Variants in MSH3 observed in about 807,000 individuals in gnomAD.
MSH3 encodes mutS homolog 3.
In MSH3, 106 loss-of-function variants were observed where a neutral mutation model predicts 123.3. The ratio of observed to expected loss-of-function variants is 0.86; its 90% CI spans 0.73 to 1.01. MSH3 has a LOEUF of 1.01. MSH3 is among the 50% of genes least tolerant of loss of function. MSH3 has a pLI of 0.00. For synonymous variants in MSH3, 515 were observed against 481.4 expected (o/e 1.07, Z -0.91); for missense variants, 1,459 against 1,347.6 (o/e 1.08, Z -1.29).
intron 20 of MSH3, among the ~76,000 whole-genome samples, chr5:80,850,689 A>G (rs970975104): frequency 2.0e-5 from 3 of 152,210 alleles, no homozygotes; most frequent in Non-Finnish European, 4.4e-5. Flanking sequence ...CTCCCACAAC[A>G]TGTGGGAATT....
rs1337532981 is a variant in MSH3, at chr5:80,871,627, T to C, written c.3131-1489T>C. Among the ~76,000 whole-genome samples the C allele has an allele frequency of 3.9e-5, 6 of 152,180 alleles. No individual in the cohort carries two copies. The East Asian group carries it at 9.7e-4, about 25-fold the overall frequency. On this transcript the variant is annotated intron_variant, in intron 22 of 23. Coordinates refer to ENST00000265081, the MANE Select transcript of MSH3 (RefSeq NM_002439.5). ...GGTGGGAGACATCAGTTTCTTTCCA[T>C]GTGAGCATCTCCACAGACAGCCCAC...
Position 80,728,975 on chromosome 5 carries a change from T to C in MSH3, c.1568+10T>C. On this transcript the variant is annotated intron_variant, in intron 10 of 23. Coordinates refer to ENST00000265081, the MANE Select transcript of MSH3 (RefSeq NM_002439.5). ...TGCTCTCCAAACCTGAGTAAGTGAT[T>C]CCTCCAAAATTAAAAAAAGGGGGAG... is the stretch of plus-strand genomic sequence containing the variant. 1 of 1,424,772 alleles carries C rather than the reference T, an allele frequency of 7.0e-7. No homozygotes were observed. The highest frequency in any genetic ancestry group is 9.9e-7 in the Non-Finnish European group (1 of 1,008,460). 88.3% of individuals were successfully genotyped at this position (1,424,772 alleles called of 1,614,324 possible). A position where few individuals can be genotyped will look rare whatever the true frequency, so the allele number is the denominator to read the frequency against.
At chr5:80,710,988 G>A (rs1381799232) in intron 8 of MSH3, among the ~76,000 whole-genome samples, 1 of 152,086 alleles carries the variant, frequency 6.6e-6, no homozygotes. Flanking sequence ...CATCAGGTTT[G>A]CCAAGACAGA....
chr5:80,795,443 T>G lies in MSH3; in HGVS notation c.2655+2599T>G, dbSNP rs150744982. On this transcript the variant is annotated intron_variant, in intron 19 of 23. Coordinates refer to ENST00000265081, the MANE Select transcript of MSH3 (RefSeq NM_002439.5). ...ATTCAGTTTCTGGTGAGGGCCTGTT[T>G]CCTGGTTCCTAGATGACACCTCACA... 2.7e-3 allele frequency among the ~76,000 whole-genome samples: 413 copies of G among 152,250 alleles called. 4 individuals are homozygous for G. The highest frequency in any genetic ancestry group is 9.5e-3 in the African/African-American group (396 of 41,546).
intron 19 of MSH3, among the ~76,000 whole-genome samples, chr5:80,797,786 G>T (rs927141554): frequency 6.6e-6 from 1 of 152,164 alleles, no homozygotes; most frequent in African/African-American, 2.4e-5. Context: ...AAGGAGGCTG[G>T]CCCAGGGACT....
intron 19 of MSH3, among the ~76,000 whole-genome samples, chr5:80,805,750 A>G (rs962887676): frequency 1.3e-5 from 2 of 151,788 alleles, no homozygotes; most frequent in African/African-American, 4.8e-5. Context: ...ATGCGCCACC[A>G]CGAGCTCATT....
At chr5:80,719,397 T>C (rs753994031) in intron 8 of MSH3, among the ~76,000 whole-genome samples, 4 of 152,150 alleles carry the variant, frequency 2.6e-5, no homozygotes, top group Non-Finnish European at 4.4e-5. Flanking sequence ...GGCTATTTAT[T>C]GGATAGGTCA....
intron 19 of MSH3, among the ~76,000 whole-genome samples, chr5:80,812,390 T>TA (rs1178776078): frequency 6.6e-6 from 1 of 152,188 alleles, no homozygotes; most frequent in Non-Finnish European, 1.5e-5. Context: ...TTTTTCATCA[T>TA]ACCTTTTATT....
At chr5:80,806,189 C>T (rs1744887762) in intron 19 of MSH3, among the ~76,000 whole-genome samples, 1 of 152,160 alleles carries the variant, frequency 6.6e-6, no homozygotes, top group South Asian at 2.1e-4. Flanking sequence ...ACCTCCGCCT[C>T]CCAGGTTCAA....
At position 80,800,351 on chromosome 5, in the gene MSH3, C is replaced by G. The variant is rs570264801; in HGVS notation, c.2655+7507C>G. Among the ~76,000 whole-genome samples the G allele has an allele frequency of 2.0e-5, 3 of 152,304 alleles. No homozygotes were observed. The South Asian group carries it at 6.2e-4, about 32-fold the overall frequency. ...AGCTTTGGGCACTGTCTAGGCCAGT[C>G]TGGTATTCCCAGTAGGCTCCAGAGT... On this transcript the variant is annotated intron_variant, in intron 19 of 23. Coordinates refer to ENST00000265081, the MANE Select transcript of MSH3 (RefSeq NM_002439.5).
intron 13 of MSH3, among the ~76,000 whole-genome samples, 194 bp from the exon 14 acceptor site, chr5:80,767,739 T>A (rs1744146565): frequency 6.6e-6 from 1 of 152,172 alleles, no homozygotes; most frequent in Admixed American, 6.5e-5. Flanking sequence ...CCTAAAATTA[T>A]TTCCTTTATA....
rs6151928 is a variant in MSH3 at position 80,873,351 on chromosome 5, G to A, written c.3302+64G>A. On this transcript the variant is annotated intron_variant, in intron 23 of 23. Coordinates refer to ENST00000265081, the MANE Select transcript of MSH3 (RefSeq NM_002439.5). Reference sequence around the variant, plus strand: ...AACCTTCTAAGTTGTCCAAGAAAGAGAGGAGCGTCCTAAAAATGAACATCA... The same window carrying A: ...AACCTTCTAAGTTGTCCAAGAAAGAAAGGAGCGTCCTAAAAATGAACATCA... The A allele has an allele frequency of 0.028, 42,481 of 1,542,304 alleles. 714 individuals carry two copies. The highest frequency in any genetic ancestry group is 0.03 in the Non-Finnish European group (33,776 of 1,121,958).
At chr5:80,823,844 C>A (rs1745242311) in intron 20 of MSH3, among the ~76,000 whole-genome samples, 2 of 152,150 alleles carry the variant, frequency 1.3e-5, no homozygotes, top group South Asian at 2.1e-4. Context: ...GACCCTGCGG[C>A]CTTCCGCAGT....
chr5:80,679,227 TAA>T, intron 8 of MSH3, 134 bp downstream of exon 8: 1 of 866,220 alleles, frequency 1.2e-6, no homozygotes, highest in Non-Finnish European at 1.7e-6. Context: ...AGTGGAAATT[TAA>T]AAAAAAAAGT....
At chr5:80,723,756 T>C (rs1751136596) in intron 8 of MSH3, among the ~76,000 whole-genome samples, 1 of 108,186 alleles carries the variant, frequency 9.2e-6, no homozygotes. Context: ...AATGTTTGCT[T>C]CTTTTATTAA....
At chr5:80,686,345 CA>C (rs1750090790) in intron 8 of MSH3, among the ~76,000 whole-genome samples, 1 of 151,046 alleles carries the variant, frequency 6.6e-6, no homozygotes, top group East Asian at 1.9e-4. Context: ...CTCTGTCACC[CA>C]GGGGGCAGTG....
At chr5:80,736,524 C>G (rs976028493) in intron 10 of MSH3, among the ~76,000 whole-genome samples, 2 of 152,102 alleles carry the variant, frequency 1.3e-5, no homozygotes, top group Non-Finnish European at 2.9e-5. Flanking sequence ...CTTAGAAAGG[C>G]CTTCCTGCAA....
chr5:80,856,709 A>T (rs1001889113), intron 21 of MSH3, among the ~76,000 whole-genome samples: 1 of 152,084 alleles, frequency 6.6e-6, no homozygotes, highest in Non-Finnish European at 1.5e-5. Flanking sequence ...AATAATAATA[A>T]AAAAAAGAAA....
intron 21 of MSH3, among the ~76,000 whole-genome samples, chr5:80,860,426 G>A (rs1302513768): frequency 6.9e-6 from 1 of 144,318 alleles, no homozygotes; most frequent in African/African-American, 2.6e-5. Flanking sequence ...CAGAATTCTA[G>A]GTTGGAGAGG....
Sources: gnomAD v4.1 joint callset for allele counts (sites outside exome capture counted in the v4.1 genomes callset) on GRCh38, gnomAD v4.1.1 for gene constraint, MANE v1.5 for transcripts, NCBI Gene and HGNC (gene_info 2026-07-23, HGNC 2026-07-21) for gene names.